The following SLC25A4 variants were observed in gnomAD, a reference collection of about 807,000 sequenced individuals.
SLC25A4 encodes ADP/ATP translocase 1.
A neutral mutation model predicts 24.7 loss-of-function variants in SLC25A4; 10 were observed. The observed-to-expected ratio is 0.41, with a 90% CI of 0.25 to 0.69. The LOEUF is 0.69. Among genes scored for constraint, SLC25A4 ranks in the 30% least tolerant of loss-of-function variants. The pLI is 0.35. For missense variants in SLC25A4, 273 were observed against 387.6 expected (o/e 0.70, Z 2.48); for synonymous variants, 125 against 153.3 (o/e 0.82, Z 1.36).
chr4:185,143,316 G>A lies in SLC25A4; in HGVS notation c.-57G>A. The A allele has an allele frequency of 9.4e-7, 1 of 1,065,692 alleles. No homozygotes were observed. Among genetic ancestry groups the A allele is most frequent in the Non-Finnish European group, 1.4e-6 (1 of 722,928 alleles). 66.0% of individuals were successfully genotyped at this position (1,065,692 alleles called of 1,614,324 possible). ...GGGACTGCGCGGCGGTGCCAGGCCGGGCGTGGGCGAGAGCACGAACGGGCT... is the reference window on the plus strand; with the variant it reads ...GGGACTGCGCGGCGGTGCCAGGCCGAGCGTGGGCGAGAGCACGAACGGGCT... On this transcript the variant is annotated 5_prime_UTR_variant, in exon 1 of 4. Coordinates refer to ENST00000281456, the MANE Select transcript of SLC25A4 (RefSeq NM_001151.4).
In SLC25A4 at chr4:185,143,307, G is replaced by T; in HGVS notation, c.-66G>T. ...GCAGGGTCGGGGACTGCGCGGCGGT[G>T]CCAGGCCGGGCGTGGGCGAGAGCAC... On this transcript the variant is annotated 5_prime_UTR_variant, in exon 1 of 4. Transcript: ENST00000281456. The T allele has an allele frequency of 1.0e-6, 1 of 960,300 alleles. No individual in the cohort carries two copies. The allele number at this position is 960,300 out of a possible 1,614,324, so 59.5% of individuals were successfully genotyped here. A position where few individuals can be genotyped will look rare whatever the true frequency, so the allele number is the denominator to read the frequency against.
intron 1 of SLC25A4, 74 bp from the exon 2 acceptor site, chr4:185,144,690 C>CA: frequency 7.1e-7 from 1 of 1,404,988 alleles, no homozygotes; most frequent in Non-Finnish European, 9.8e-7. Context: ...AAGTGCAAAC[C>CA]TTTTTTTTTC....
rs933237055 is a variant in SLC25A4, at chr4:185,149,004, G to A, written c.*2033G>A. The A allele has an allele frequency of 1.3e-5, 2 of 152,168 alleles. No individual in the cohort carries two copies. The highest frequency in any genetic ancestry group is 6.5e-5 in the Admixed American group (1 of 15,280). 9.4% of individuals were successfully genotyped at this position (152,168 alleles called of 1,614,324 possible). A position where few individuals can be genotyped will look rare whatever the true frequency, so the allele number is the denominator to read the frequency against. On this transcript the variant is annotated 3_prime_UTR_variant, in exon 4 of 4. Transcript: ENST00000281456. ...CAAGGTCTGAGTTTTATAAAATCCA[G>A]GATCACATCTGACCTCACCTGGTAG... is the stretch of plus-strand genomic sequence containing the variant.
Position 185,144,884 on chromosome 4 carries a change from G to T in SLC25A4, c.232G>T (p.Val78Leu). ...CTTCTGGAGGGGTAACCTGGCCAAC[G>T]TGATCCGTTACTTCCCCACCCAAGC... ...LSFWRGNLAN[V>L]IRYFPTQALN... Residue 78 changes from valine to leucine, a missense_variant, in exon 2 of 4, where the codon GTG becomes TTG. Transcript: ENST00000281456. 6.2e-7 allele frequency: 1 copy of T among 1,614,146 alleles called. No homozygotes were observed. Among genetic ancestry groups the T allele is most frequent in the Non-Finnish European group, 8.5e-7 (1 of 1,180,040 alleles).
In SLC25A4 at chr4:185,150,060, C is replaced by T. The variant is rs1328444299; in HGVS notation, c.*3089C>T. 1 of 152,238 alleles carries T rather than the reference C, an allele frequency of 6.6e-6. No individual in the cohort carries two copies. Among genetic ancestry groups the T allele is most frequent in the Non-Finnish European group, 1.5e-5 (1 of 68,050 alleles). The allele number at this position is 152,238 out of a possible 1,614,324, so 9.4% of individuals were successfully genotyped here. The stretch of plus-strand genomic sequence containing the variant: ...TTGAGGCGGCATTTACTAAACACCC[C>T]CAAGGTGCAAGGCTGCAAGAGAATC... On this transcript the variant is annotated 3_prime_UTR_variant, in exon 4 of 4. Coordinates refer to ENST00000281456, the MANE Select transcript of SLC25A4 (RefSeq NM_001151.4).
intron 1 of SLC25A4, 107 bp downstream of exon 1, chr4:185,143,590 A>C: frequency 4.3e-6 from 1 of 233,942 alleles, no homozygotes; most frequent in Non-Finnish European, 7.0e-6. Flanking sequence ...AATCTGCGCC[A>C]GGCCACAGGC....
rs748594852 is a variant in SLC25A4, at chr4:185,146,730, G to C, written c.740-84G>C. ...AGATGACCCTGATTTTATAAAACTG[G>C]TAACAGTGTGTACAGATATGTTTCA... On this transcript the variant is annotated intron_variant, in intron 3 of 3. Coordinates refer to ENST00000281456, the MANE Select transcript of SLC25A4 (RefSeq NM_001151.4). 6 of 1,512,206 alleles carry C rather than the reference G, an allele frequency of 4.0e-6. No individual in the cohort carries two copies. The African/African-American group carries it at 4.1e-5, about 10-fold the overall frequency. The allele number at this position is 1,512,206 out of a possible 1,614,324, so 93.7% of individuals were successfully genotyped here.
At chr4:185,146,750 G>T (rs1734448379) in intron 3 of SLC25A4, 64 bp from the exon 4 acceptor site, 1 of 1,590,060 alleles carries the variant, frequency 6.3e-7, no homozygotes, top group African/African-American at 1.3e-5. Flanking sequence ...GTACAGATAT[G>T]TTTCAGGGGA....
In SLC25A4 at chr4:185,145,385, G is replaced by C; in HGVS notation, c.598+135G>C. Reference sequence around the variant, plus strand: ...GGGATAATTGAGGCTTCTGAATGAGGAGGTGATGTGCATAAGTTAATAGCT... The same window carrying C: ...GGGATAATTGAGGCTTCTGAATGAGCAGGTGATGTGCATAAGTTAATAGCT... On this transcript the variant is annotated intron_variant, in intron 2 of 3. Coordinates refer to ENST00000281456, the MANE Select transcript of SLC25A4 (RefSeq NM_001151.4). This position sits in a 1 kb window ranked among gnomAD's most constrained non-coding sequence, Gnocchi z 5.5. The C allele has an allele frequency of 1.5e-6, 2 of 1,328,984 alleles. No individual in the cohort carries two copies. The highest frequency in any genetic ancestry group is 1.3e-5 in the South Asian group (1 of 79,738). 82.3% of individuals were successfully genotyped at this position (1,328,984 alleles called of 1,614,324 possible). A position where few individuals can be genotyped will look rare whatever the true frequency, so the allele number is the denominator to read the frequency against.
At chr4:185,144,723 T>A (rs768477494) in intron 1 of SLC25A4, 41 bp from the exon 2 acceptor site, 1 of 1,600,834 alleles carries the variant, frequency 6.2e-7, no homozygotes, top group Admixed American at 1.7e-5. Context: ...CCCTTCTCTC[T>A]ACCCTGCCTG....
rs532936923 is a variant in SLC25A4 at position 185,148,682 on chromosome 4, G to C, written c.*1711G>C. The C allele has an allele frequency of 6.6e-6, 1 of 151,988 alleles. No homozygotes were observed. Among genetic ancestry groups the C allele is most frequent in the Non-Finnish European group, 1.5e-5 (1 of 68,010 alleles). The allele number at this position is 151,988 out of a possible 1,614,324, so 9.4% of individuals were successfully genotyped here. A position where few individuals can be genotyped will look rare whatever the true frequency, so the allele number is the denominator to read the frequency against. On this transcript the variant is annotated 3_prime_UTR_variant, in exon 4 of 4. Transcript: ENST00000281456. The stretch of plus-strand genomic sequence containing the variant: ...TTGGATTTGCTCCTCCGAGATTTGC[G>C]AGCCAGAGGAAAATACTTAGACTAT...
chr4:185,146,670 A>G (rs1579210710), intron 3 of SLC25A4, 144 bp from the exon 4 acceptor site: 2 of 839,276 alleles, frequency 2.4e-6, no homozygotes, highest in Admixed American at 3.9e-5. Context: ...GGAGATGTCC[A>G]GTGGGATGTT....
intron 3 of SLC25A4, among the ~76,000 whole-genome samples, chr4:185,146,347 T>G (rs1439200403): frequency 6.6e-6 from 1 of 152,152 alleles, no homozygotes; most frequent in Non-Finnish European, 1.5e-5. Flanking sequence ...TTCTATAGGT[T>G]GAACCATACG....
chr4:185,146,050 C>A, intron 3 of SLC25A4, 151 bp downstream of exon 3: 1 of 901,618 alleles, frequency 1.1e-6, no homozygotes, highest in Non-Finnish European at 1.7e-6. Context: ...TTCCCCCTAA[C>A]GTTCTCAACT....
Position 185,146,804 on chromosome 4 carries a change from G to C in SLC25A4, c.740-10G>C. The C allele has an allele frequency of 6.2e-7, 1 of 1,614,168 alleles. No homozygotes were observed. Among genetic ancestry groups the C allele is most frequent in the Non-Finnish European group, 8.5e-7 (1 of 1,180,026 alleles). ...CGTTACGGAGCCCTCACCAGCATTT[G>C]TTTCCACAGCCGATATTATGTACAC... On this transcript the variant is annotated splice_polypyrimidine_tract_variant and intron_variant, in intron 3 of 3. Transcript: ENST00000281456.
chr4:185,144,730 C>T (rs1560841603), intron 1 of SLC25A4, 34 bp from the exon 2 acceptor site: 1 of 1,607,062 alleles, frequency 6.2e-7, no homozygotes, highest in East Asian at 2.2e-5. Flanking sequence ...CTCTACCCTG[C>T]CTGTCCTCTG....
rs1192766019 is a variant in SLC25A4, at chr4:185,146,054, C to G, written c.739+155C>G. Among the ~76,000 whole-genome samples, 2 of 152,114 alleles carry G rather than the reference C, an allele frequency of 1.3e-5. 1 individual carries two copies. Among genetic ancestry groups the G allele is most frequent in the Non-Finnish European group, 2.9e-5 (2 of 68,006 alleles). On this transcript the variant is annotated intron_variant, in intron 3 of 3. Transcript: ENST00000281456. ...GATGGTATTAATTCCCCCTAACGTT[C>G]TCAACTATCCTATTAGGGAAAAGTA...
rs2111289968 is a variant in SLC25A4 at position 185,149,350 on chromosome 4, T to C, written c.*2379T>C. On this transcript the variant is annotated 3_prime_UTR_variant, in exon 4 of 4. Transcript: ENST00000281456. ...TTGTGTTCCGTCTTTAACCCTGGCA[T>C]GGAATGGGGAGGGAAGAGGCATGGA... The C allele has an allele frequency of 6.6e-6, 1 of 152,260 alleles. No homozygotes were observed. The highest frequency in any genetic ancestry group is 2.1e-4 in the South Asian group (1 of 4,818). The allele number at this position is 152,260 out of a possible 1,614,324, so 9.4% of individuals were successfully genotyped here. A position where few individuals can be genotyped will look rare whatever the true frequency, so the allele number is the denominator to read the frequency against.
Position 185,148,413 on chromosome 4 carries a change from A to G in SLC25A4, c.*1442A>G, listed in dbSNP as rs1734480909. 1 of 152,234 alleles carries G rather than the reference A, an allele frequency of 6.6e-6. No homozygotes were observed. The highest frequency in any genetic ancestry group is 1.5e-5 in the Non-Finnish European group (1 of 68,060). 9.4% of individuals were successfully genotyped at this position (152,234 alleles called of 1,614,324 possible). ...ACCTCTTAGGCCCCGTGGAAGGGAA[A>G]ATAGATAGGAACCTGCCCTGAAAGA... On this transcript the variant is annotated 3_prime_UTR_variant, in exon 4 of 4. Transcript: ENST00000281456.
Sources: gnomAD v4.1 joint callset for allele counts (sites outside exome capture counted in the v4.1 genomes callset) on GRCh38, gnomAD v4.1.1 for gene constraint, Gnocchi (gnomAD v3.1) non-coding constraint, MANE v1.5 for transcripts, NCBI Gene and HGNC (gene_info 2026-07-23, HGNC 2026-07-21) for gene names.